The following HMGN5 variants were observed in gnomAD, a reference collection of about 807,000 sequenced individuals.
HMGN5 encodes high mobility group nucleosome-binding domain-containing protein 5.
In HMGN5, 4 loss-of-function variants were observed where a neutral mutation model predicts 9.5. The observed-to-expected ratio is 0.42, with a 90% CI of 0.21 to 0.96. The LOEUF (loss-of-function observed/expected upper bound fraction) is 0.96, where lower values mean the gene tolerates loss of function less well. Ranked by LOEUF, HMGN5 falls within the 40% of genes least tolerant of loss-of-function variation. HMGN5 has a pLI of 0.30. For missense variants in HMGN5, 192 were observed against 187.5 expected, an observed-to-expected ratio of 1.02 and a Z score of -0.14; for synonymous variants, 55 against 57.1, an observed-to-expected ratio of 0.96 and a Z score of 0.16.
chrX:81,113,907 T>A lies in HMGN5; in HGVS notation c.*742A>T. 1 of 111,959 alleles carries A rather than the reference T, an allele frequency of 8.9e-6. No homozygotes were observed. The highest frequency in any genetic ancestry group is 2.8e-4 in the East Asian group (1 of 3,576). 9.2% of individuals were successfully genotyped at this position (111,959 alleles called of 1,213,427 possible). On this transcript the variant is annotated 3_prime_UTR_variant, in exon 7 of 7. Coordinates refer to ENST00000358130, the MANE Select transcript of HMGN5 (RefSeq NM_030763.3). ...AACATTGTGAATATACTGACAACCA[T>A]TGAATTATATACTTTATTTTTATTA...
intron 1 of HMGN5, among the ~76,000 whole-genome samples, chrX:81,190,126 T>G (rs941919710): frequency 3.6e-5 from 4 of 112,002 alleles, no homozygotes; most frequent in African/African-American, 1.3e-4. Flanking sequence ...ATTTTCTTAT[T>G]GTTGAGTTTT....
chrX:81,178,728 G>A (rs1019114791), intron 1 of HMGN5, among the ~76,000 whole-genome samples: 1 of 111,325 alleles, frequency 9.0e-6, no homozygotes, highest in Non-Finnish European at 1.9e-5. Flanking sequence ...TGATACCAAA[G>A]CCTGGTAAAG....
chrX:81,158,946 C>A (rs1196987456), intron 1 of HMGN5, among the ~76,000 whole-genome samples: 1 of 111,179 alleles, frequency 9.0e-6, no homozygotes, highest in African/African-American at 3.3e-5. Context: ...ATGTTCACTG[C>A]AGCACTATTC....
intron 1 of HMGN5, among the ~76,000 whole-genome samples, chrX:81,148,964 A>G (rs2075353294): frequency 8.9e-6 from 1 of 111,843 alleles, no homozygotes; most frequent in Non-Finnish European, 1.9e-5. Flanking sequence ...TGATCATTAA[A>G]AAGTGAGGAA....
At chrX:81,125,941 A>G (rs946911517) in intron 1 of HMGN5, among the ~76,000 whole-genome samples, 5 of 110,599 alleles carry the variant, frequency 4.5e-5, no homozygotes, top group African/African-American at 1.6e-4. Context: ...TGAGGTGAAG[A>G]GTTCGAGATC....
intron 1 of HMGN5, among the ~76,000 whole-genome samples, chrX:81,197,156 T>G (rs908434452): frequency 8.9e-6 from 1 of 112,530 alleles, no homozygotes; most frequent in African/African-American, 3.2e-5. Context: ...AAAATTTGTA[T>G]AACTTTGTTT....
intron 1 of HMGN5, among the ~76,000 whole-genome samples, chrX:81,128,903 C>G (rs2075291488): frequency 8.9e-6 from 1 of 111,763 alleles, no homozygotes; most frequent in African/African-American, 3.2e-5. Flanking sequence ...TAAGAGCTTA[C>G]TCAAGTCTTC....
rs1254864859 is a variant in HMGN5, at chrX:81,116,241, T to C, written c.230A>G (p.Asn77Ser). The change falls in exon 6 of 7, where the codon AAT becomes AGT. Residue 77 changes from asparagine to serine, a missense_variant. Asn to Ser is a conservative substitution (Grantham distance 46). Transcript: ENST00000358130. ...KQEAVVEEDY[N>S]ENAKNGEAKI... ...GGCTTCTCCATTTTTAGCATTTTCA[T>C]TGTAGTCTTCTTCAACAACTGCTTC... is the stretch of plus-strand genomic sequence containing the variant. 1.7e-6 allele frequency: 2 copies of C among 1,198,877 alleles called. No individual in the cohort carries two copies. Among genetic ancestry groups the C allele is most frequent in the Non-Finnish European group, 1.1e-6 (1 of 884,612 alleles).
intron 1 of HMGN5, among the ~76,000 whole-genome samples, chrX:81,153,842 T>C (rs2075375829): frequency 9.6e-6 from 1 of 103,864 alleles, no homozygotes; most frequent in South Asian, 4.5e-4. Flanking sequence ...GAAAGAGCTC[T>C]GTAATGAAAA....
intron 6 of HMGN5, among the ~76,000 whole-genome samples, chrX:81,115,793 A>C (rs779180316): frequency 8.9e-6 from 1 of 112,273 alleles, no homozygotes; most frequent in South Asian, 3.6e-4. Context: ...TGTATGCATT[A>C]AATATGCAAA....
At chrX:81,181,746 C>T (rs1353929161) in intron 1 of HMGN5, among the ~76,000 whole-genome samples, 1 of 111,881 alleles carries the variant, frequency 8.9e-6, no homozygotes, top group Admixed American at 9.5e-5. Context: ...TAATGACCTA[C>T]AGTGCCATCT....
At chrX:81,197,291 A>T (rs1173026367) in intron 1 of HMGN5, among the ~76,000 whole-genome samples, 2 of 112,467 alleles carry the variant, frequency 1.8e-5, no homozygotes, top group African/African-American at 6.5e-5. Context: ...TTTTCAAATG[A>T]AATGAAATTT....
chrX:81,181,882 T>C (rs2075463850), intron 1 of HMGN5, among the ~76,000 whole-genome samples: 1 of 112,316 alleles, frequency 8.9e-6, no homozygotes, highest in African/African-American at 3.2e-5. Context: ...ATCTTGGCTA[T>C]TGGGAATAGG....
chrX:81,188,400 A>T (rs1037250344), intron 1 of HMGN5, among the ~76,000 whole-genome samples: 3 of 109,367 alleles, frequency 2.7e-5, no homozygotes, highest in Non-Finnish European at 5.7e-5. Context: ...AATTGCTGGG[A>T]TTACAAGCGT....
At chrX:81,200,439 G>T (rs2147658770) in intron 1 of HMGN5, among the ~76,000 whole-genome samples, 1 of 112,129 alleles carries the variant, frequency 8.9e-6, no homozygotes, top group African/African-American at 3.2e-5. Context: ...ATTCATAATA[G>T]CAAAGACTTG....
chrX:81,145,753 A>G (rs2075341788), intron 1 of HMGN5, among the ~76,000 whole-genome samples: 1 of 111,356 alleles, frequency 9.0e-6, no homozygotes, highest in Non-Finnish European at 1.9e-5. Context: ...TATTCAGGAG[A>G]CCCATCTCAT....
At chrX:81,186,754 G>C (rs1286663884) in intron 1 of HMGN5, among the ~76,000 whole-genome samples, 2 of 110,835 alleles carry the variant, frequency 1.8e-5, no homozygotes, top group Non-Finnish European at 3.8e-5. Flanking sequence ...TTTTGATATA[G>C]GCATGCAATG....
chrX:81,125,398 A>C (rs1031585123), intron 1 of HMGN5, among the ~76,000 whole-genome samples: 6 of 111,536 alleles, frequency 5.4e-5, no homozygotes, highest in Non-Finnish European at 1.1e-4. Context: ...AGCCAAATAC[A>C]TCAATACACT....
rs766756675 is a variant in HMGN5 at position 81,125,561 on chromosome X, T to C, written c.-123-3889A>G. Among the ~76,000 whole-genome samples the C allele has an allele frequency of 3.6e-5, 4 of 111,973 alleles. No individual in the cohort carries two copies. The South Asian group carries it at 1.5e-3, about 41-fold the overall frequency. Reference sequence around the variant, plus strand: ...TGCAGCAGGCCAAAGACTAATAAAATACTGAATTAAAGAGTAGCCACTGAT... The same window carrying C: ...TGCAGCAGGCCAAAGACTAATAAAACACTGAATTAAAGAGTAGCCACTGAT... On this transcript the variant is annotated intron_variant, in intron 1 of 6. Coordinates refer to ENST00000358130, the MANE Select transcript of HMGN5 (RefSeq NM_030763.3).
Sources: gnomAD v4.1 joint callset for allele counts (sites outside exome capture counted in the v4.1 genomes callset) on GRCh38, gnomAD v4.1.1 for gene constraint, MANE v1.5 for transcripts, NCBI Gene and HGNC (gene_info 2026-07-23, HGNC 2026-07-21) for gene names.